The following HYDIN variants were observed in gnomAD, a reference collection of about 807,000 sequenced individuals.
HYDIN encodes HYDIN axonemal central pair apparatus protein, also known as axonemal central pair apparatus protein HYDIN.
In HYDIN, 132 loss-of-function variants were observed where a neutral mutation model predicts 403.9. The ratio of observed to expected loss-of-function variants is 0.33; its 90% CI spans 0.28 to 0.38. The LOEUF is 0.38. Ranked by LOEUF, HYDIN falls within the 10% of genes least tolerant of loss-of-function variation. HYDIN has a pLI of 1.00. For synonymous variants in HYDIN, 1,202 were observed against 1,891.7 expected, an observed-to-expected ratio of 0.64 and a Z score of 9.46; for missense variants, 2,827 against 5,009.5, an observed-to-expected ratio of 0.56 and a Z score of 13.15.
chr16:71,092,475 C>T (rs2083140848), intron 11 of HYDIN, among the ~76,000 whole-genome samples: 1 of 152,150 alleles, frequency 6.6e-6, no homozygotes, highest in Non-Finnish European at 1.5e-5. Flanking sequence ...CTAGCACTAC[C>T]TTAACTTCTC....
chr16:71,009,483 G>A (rs1457324402), intron 23 of HYDIN, among the ~76,000 whole-genome samples: 1 of 151,496 alleles, frequency 6.6e-6, no homozygotes, highest in Non-Finnish European at 1.5e-5. Flanking sequence ...TTTAAAGAGA[G>A]TAAAGGGAGC....
intron 21 of HYDIN, among the ~76,000 whole-genome samples, chr16:71,022,982 A>G (rs1050929865): frequency 6.6e-6 from 1 of 151,726 alleles, no homozygotes; most frequent in African/African-American, 2.4e-5. Context: ...GAGAAATCTA[A>G]TAAGAAACTA....
At chr16:71,114,023 T>C (rs1414874292) in intron 10 of HYDIN, 1 of 150,236 alleles carries the variant, frequency 6.7e-6, no homozygotes, top group East Asian at 2.0e-4. Context: ...ATAGAAGGGA[T>C]GCTGTGTTCT....
intron 4 of HYDIN, among the ~76,000 whole-genome samples, chr16:71,178,500 C>CAT (rs1339482553): frequency 1.4e-5 from 2 of 146,090 alleles, no homozygotes; most frequent in Admixed American, 6.8e-5. Context: ...TACAGACATA[C>CAT]ATATATATAT....
rs1410857023 is a variant in HYDIN at position 70,964,779 on chromosome 16, T to C, written c.5737A>G (p.Lys1913Glu). The C allele has an allele frequency of 1.3e-6, 2 of 1,584,590 alleles. No individual in the cohort carries two copies. Among genetic ancestry groups the C allele is most frequent in the Non-Finnish European group, 1.7e-6 (2 of 1,153,328 alleles). The change falls in exon 37 of 86, where the codon AAA becomes GAA. Residue 1913 changes from lysine (K) to glutamate (E), a missense_variant. Transcript: ENST00000393567. Reference protein sequence around the residue: ...YEYFKEIKKSKEEQMRAKYLE... With the variant: ...YEYFKEIKKSEEEQMRAKYLE... ...TATTTCGCCCTCATCTGCTCCTCTT[T>C]TGACTTCTTTATCTCTTTGAAGTAC...
chr16:70,836,797 G>C (rs2037457111), intron 77 of HYDIN, among the ~76,000 whole-genome samples: 2 of 152,238 alleles, frequency 1.3e-5, no homozygotes, highest in Non-Finnish European at 2.9e-5. Context: ...CTGAGAACAT[G>C]TGTAAGTCAC....
At chr16:70,899,617 G>A (rs1387582167) in intron 53 of HYDIN, among the ~76,000 whole-genome samples, 1 of 152,162 alleles carries the variant, frequency 6.6e-6, no homozygotes, top group South Asian at 2.1e-4. Flanking sequence ...AGTAGCCTTG[G>A]GGAACTAAGA....
intron 67 of HYDIN, among the ~76,000 whole-genome samples, chr16:70,863,734 G>A (rs888061406): frequency 5.3e-5 from 8 of 151,904 alleles, no homozygotes; most frequent in African/African-American, 1.4e-4. Flanking sequence ...AAATTAGCCA[G>A]GTGTGGTGGC....
chr16:71,082,004 CAGAA>C (rs2082799280), intron 12 of HYDIN, among the ~76,000 whole-genome samples: 1 of 141,332 alleles, frequency 7.1e-6, no homozygotes, highest in African/African-American at 2.8e-5. Flanking sequence ...GAAGAGTAAA[CAGAA>C]AGAGTGAAAG....
intron 80 of HYDIN, among the ~76,000 whole-genome samples, chr16:70,831,529 C>CAAAAAAAAAAAAAA (rs57465488): frequency 1.1e-5 from 1 of 91,562 alleles, no homozygotes; most frequent in Non-Finnish European, 2.3e-5. Context: ...AAAAAAAAAC[C>CAAAAAAAAAAAAAA]AAAAAAAAAA....
At chr16:70,968,880 G>A (rs1268991854) in intron 36 of HYDIN, among the ~76,000 whole-genome samples, 2 of 152,062 alleles carry the variant, frequency 1.3e-5, no homozygotes, top group African/African-American at 4.8e-5. Context: ...TCATTGTAAT[G>A]CTTTAGTGAA....
At chr16:70,933,841 T>C (rs2077422520) in intron 45 of HYDIN, 1 of 153,184 alleles carries the variant, frequency 6.5e-6, no homozygotes, top group Non-Finnish European at 1.5e-5. Flanking sequence ...TTTTGGAATT[T>C]GCAAGCTTTT....
chr16:71,062,308 A>G lies in HYDIN; in HGVS notation c.2237T>C (p.Leu746Pro). 1.3e-6 allele frequency: 2 copies of G among 1,591,124 alleles called. No homozygotes were observed. Among genetic ancestry groups the G allele is most frequent in the Non-Finnish European group, 1.7e-6 (2 of 1,167,570 alleles). Reference protein sequence around the residue: ...PQVCEEVPTVLFSSPTPSGVI... With the variant: ...PQVCEEVPTVPFSSPTPSGVI... ...CCCGCTGGGGGTGGGGCTGGAAAAC[A>G]GCACAGTAGGCACCTCCTCACACAC... Residue 746 changes from leucine (L) to proline (P), a missense_variant, in exon 17 of 86, where the codon CTG becomes CCG. Leu to Pro is a moderately conservative substitution (Grantham distance 98). Transcript: ENST00000393567.
intron 60 of HYDIN, among the ~76,000 whole-genome samples, chr16:70,880,497 G>T (rs950286514): frequency 1.3e-5 from 2 of 151,918 alleles, no homozygotes; most frequent in Non-Finnish European, 2.9e-5. Flanking sequence ...CAGAGCATCC[G>T]CTGGTCTTCT....
chr16:70,818,398 A>G lies in HYDIN; in HGVS notation c.14602T>C (p.Cys4868Arg), dbSNP rs1733541344. Reference sequence around the variant, plus strand: ...GGCAGGGCGATGTCGGGCATCCGGCATTCCGTGGAGAAGGTCACCGAGTAG... The same window carrying G: ...GGCAGGGCGATGTCGGGCATCCGGCGTTCCGTGGAGAAGGTCACCGAGTAG... ...LPYSVTFSTECRMPDIALPSQ... is the reference protein window; with the variant it reads ...LPYSVTFSTERRMPDIALPSQ... The change falls in exon 84 of 86, where the codon TGC becomes CGC. Residue 4868 changes from cysteine to arginine, a missense_variant. Coordinates refer to ENST00000393567, the MANE Select transcript of HYDIN (RefSeq NM_001270974.2). 2 of 1,613,730 alleles carry G rather than the reference A, an allele frequency of 1.2e-6. No individual in the cohort carries two copies. Among genetic ancestry groups the G allele is most frequent in the Non-Finnish European group, 1.7e-6 (2 of 1,179,844 alleles).
intron 6 of HYDIN, among the ~76,000 whole-genome samples, chr16:71,161,965 T>C (rs1221158128): frequency 1.5e-5 from 2 of 130,034 alleles, no homozygotes; most frequent in East Asian, 4.5e-4. Context: ...CTTTTCCCCA[T>C]TTTTCAGAGA....
At chr16:70,970,813 T>G in intron 35 of HYDIN, 54 bp from the exon 36 acceptor site, 1 of 1,576,788 alleles carries the variant, frequency 6.3e-7, no homozygotes, top group South Asian at 1.1e-5. Flanking sequence ...TTACATGTCA[T>G]GTAAAACAAA....
At chr16:70,822,932 A>T (rs546885474) in intron 83 of HYDIN, among the ~76,000 whole-genome samples, 3,987 of 123,624 alleles carry the variant, frequency 0.032, 274 homozygotes, top group African/African-American at 0.12. Context: ...AAATATTGTG[A>T]CTCACTTTAT....
At chr16:71,157,809 C>T (rs1225796661) in intron 6 of HYDIN, among the ~76,000 whole-genome samples, 3 of 140,390 alleles carry the variant, frequency 2.1e-5, no homozygotes, top group South Asian at 2.6e-4. Flanking sequence ...GAGACAGCTC[C>T]GAGATTCATA....
Sources: gnomAD v4.1 joint callset for allele counts (sites outside exome capture counted in the v4.1 genomes callset) on GRCh38, gnomAD v4.1.1 for gene constraint, MANE v1.5 for transcripts, NCBI Gene and HGNC (gene_info 2026-07-23, HGNC 2026-07-21) for gene names.